The following DNER variants were observed in gnomAD, a reference collection of about 807,000 sequenced individuals.
The protein encoded by DNER is delta/notch like EGF repeat containing, also known as delta and Notch-like epidermal growth factor-related receptor.
Under a neutral mutation model 78.2 loss-of-function variants are expected in DNER, and 33 were observed. The observed-to-expected ratio is 0.42, with a 90% CI of 0.32 to 0.56. The LOEUF (loss-of-function observed/expected upper bound fraction) is 0.56. Ranked by LOEUF, DNER falls within the 20% of genes least tolerant of loss-of-function variation. The probability of loss-of-function intolerance (pLI) is 0.11; values close to 1 mark genes in which losing one functional copy is unlikely to be tolerated. For missense variants in DNER, 918 were observed against 975.3 expected (o/e 0.94, Z 0.78); for synonymous variants, 417 against 384.8 (o/e 1.08, Z -0.98).
chr2:229,465,865 G>A (rs1402249220), intron 7 of DNER, among the ~76,000 whole-genome samples: 2 of 151,820 alleles, frequency 1.3e-5, no homozygotes, highest in Non-Finnish European at 2.9e-5. Flanking sequence ...CCTCAAAAAT[G>A]CTCAGCTCCC....
At chr2:229,578,791 A>G (rs1697345726) in intron 4 of DNER, among the ~76,000 whole-genome samples, 1 of 152,244 alleles carries the variant, frequency 6.6e-6, no homozygotes, top group South Asian at 2.1e-4. Flanking sequence ...TAGTTTACCC[A>G]GAAGGGAGGG....
chr2:229,650,528 C>T (rs542592898), intron 1 of DNER, among the ~76,000 whole-genome samples: 3 of 152,260 alleles, frequency 2.0e-5, no homozygotes, highest in South Asian at 4.1e-4. Context: ...GAGAGAACAC[C>T]GGACTTCCAA....
chr2:229,486,794 T>C (rs575959529), intron 6 of DNER, among the ~76,000 whole-genome samples: 1 of 152,342 alleles, frequency 6.6e-6, no homozygotes, highest in Admixed American at 6.5e-5. Flanking sequence ...GCAGTGGTTC[T>C]CAAAATGTGT....
intron 6 of DNER, among the ~76,000 whole-genome samples, chr2:229,495,286 A>G (rs2154211808): frequency 6.6e-6 from 1 of 152,346 alleles, no homozygotes; most frequent in South Asian, 2.1e-4. Context: ...ACTTTATAAC[A>G]GAACCAATAG....
intron 11 of DNER, among the ~76,000 whole-genome samples, chr2:229,381,779 A>T (rs533950488): frequency 2.2e-4 from 34 of 152,316 alleles, no homozygotes; most frequent in Non-Finnish European, 4.4e-4. Context: ...CAGCCTCAGT[A>T]AGGAGCTTAT....
intron 5 of DNER, among the ~76,000 whole-genome samples, chr2:229,544,370 G>C (rs1389125505): frequency 6.6e-6 from 1 of 152,130 alleles, no homozygotes. Context: ...GGGAGAGTTT[G>C]GGCTTCAGTT....
At chr2:229,448,787 A>T (rs553513010) in intron 7 of DNER, among the ~76,000 whole-genome samples, 1 of 152,314 alleles carries the variant, frequency 6.6e-6, no homozygotes, top group East Asian at 1.9e-4. Context: ...TATTATTCAA[A>T]TTTTAGAAAT....
At chr2:229,645,800 C>T (rs1207656136) in intron 1 of DNER, among the ~76,000 whole-genome samples, 3 of 152,160 alleles carry the variant, frequency 2.0e-5, no homozygotes, top group Non-Finnish European at 4.4e-5. Flanking sequence ...TGAGGAGAAC[C>T]GTGATGAAGG....
At chr2:229,387,567 G>GAAAGA (rs1553602561) in intron 11 of DNER, among the ~76,000 whole-genome samples, 3 of 142,362 alleles carry the variant, frequency 2.1e-5, no homozygotes, top group Non-Finnish European at 4.7e-5. Context: ...AAGAAAGAAA[G>GAAAGA]AAAAGAAAGA....
intron 8 of DNER, among the ~76,000 whole-genome samples, chr2:229,438,349 G>C (rs375561959): frequency 6.6e-6 from 1 of 152,318 alleles, no homozygotes; most frequent in Non-Finnish European, 1.5e-5. Flanking sequence ...CTGGAATCTT[G>C]TTCTTGTGAT....
chr2:229,566,652 A>G (rs1228638665), intron 4 of DNER, among the ~76,000 whole-genome samples: 1 of 152,120 alleles, frequency 6.6e-6, no homozygotes, highest in Non-Finnish European at 1.5e-5. Flanking sequence ...GAGATCCAGA[A>G]AGGTCTTCGG....
At chr2:229,406,563 G>C (rs1161087630) in intron 10 of DNER, among the ~76,000 whole-genome samples, 1 of 152,132 alleles carries the variant, frequency 6.6e-6, no homozygotes, top group Non-Finnish European at 1.5e-5. Context: ...TGTTTTCTAA[G>C]TCTCCAAAAG....
At chr2:229,367,313 A>C (rs1314003586) in intron 11 of DNER, among the ~76,000 whole-genome samples, 194 bp from the exon 12 acceptor site, 1 of 152,168 alleles carries the variant, frequency 6.6e-6, no homozygotes, top group Non-Finnish European at 1.5e-5. Flanking sequence ...ACTAAGAAAA[A>C]CTACAGGCCG....
intron 1 of DNER, among the ~76,000 whole-genome samples, chr2:229,592,559 G>T (rs114716201): frequency 2.0e-5 from 3 of 151,976 alleles, no homozygotes; most frequent in African/African-American, 7.2e-5. Context: ...CCCTTCCCTC[G>T]CCAGATATGG....
At chr2:229,380,323 C>T (rs546837265) in intron 11 of DNER, among the ~76,000 whole-genome samples, 112 of 152,222 alleles carry the variant, frequency 7.4e-4, no homozygotes, top group Middle Eastern at 3.4e-3. Context: ...CAGATCAGGC[C>T]AAGTGACACA....
intron 1 of DNER, among the ~76,000 whole-genome samples, chr2:229,687,370 T>C (rs1049179817): frequency 3.3e-5 from 5 of 151,742 alleles, no homozygotes; most frequent in African/African-American, 9.7e-5. Context: ...TTCAAGCAAT[T>C]CTTCTGCCTC....
At chr2:229,678,991 G>T (rs1210530628) in intron 1 of DNER, among the ~76,000 whole-genome samples, 1 of 152,172 alleles carries the variant, frequency 6.6e-6, no homozygotes, top group Non-Finnish European at 1.5e-5. Flanking sequence ...AAACACTGAT[G>T]ATTTTGGTCT....
intron 9 of DNER, among the ~76,000 whole-genome samples, chr2:229,411,488 C>A (rs897164179): frequency 2.6e-5 from 4 of 151,876 alleles, no homozygotes; most frequent in Non-Finnish European, 5.9e-5. Context: ...ACCAGGGAGA[C>A]AGAAGTTGCA....
intron 7 of DNER, among the ~76,000 whole-genome samples, chr2:229,475,441 A>C (rs60195609): frequency 1.3e-5 from 2 of 149,150 alleles, no homozygotes; most frequent in African/African-American, 4.9e-5. Flanking sequence ...GTCTTTGTAC[A>C]TGGGAGTCTC....
Sources: gnomAD v4.1 joint callset for allele counts (sites outside exome capture counted in the v4.1 genomes callset) on GRCh38, gnomAD v4.1.1 for gene constraint, MANE v1.5 for transcripts, NCBI Gene and HGNC (gene_info 2026-07-23, HGNC 2026-07-21) for gene names.